The following MACROD2 variants were observed in gnomAD, a reference collection of about 807,000 sequenced individuals.
MACROD2 encodes ADP-ribose glycohydrolase MACROD2.
MACROD2 carries 36 observed loss-of-function variants against 70.4 expected under a neutral mutation model. The ratio of observed to expected loss-of-function variants is 0.51; its 90% CI spans 0.39 to 0.68. The LOEUF is 0.68. Ranked by LOEUF, MACROD2 falls within the 30% of genes least tolerant of loss-of-function variation. MACROD2 has a pLI of 0.00. For synonymous variants in MACROD2, 172 were observed against 178.8 expected, an observed-to-expected ratio of 0.96 and a Z score of 0.30; for missense variants, 496 against 538.4, an observed-to-expected ratio of 0.92 and a Z score of 0.78.
intron 5 of MACROD2, among the ~76,000 whole-genome samples, chr20:14,919,727 C>A (rs923893867): frequency 6.6e-6 from 1 of 152,146 alleles, no homozygotes; most frequent in Non-Finnish European, 1.5e-5. Context: ...TCCAGGAAAT[C>A]AAGTTGAACA....
At chr20:14,609,101 G>A (rs1029188831) in intron 4 of MACROD2, among the ~76,000 whole-genome samples, 2 of 152,016 alleles carry the variant, frequency 1.3e-5, no homozygotes, top group African/African-American at 2.4e-5. Context: ...AGGCTTTGAA[G>A]CACATGAATC....
intron 4 of MACROD2, among the ~76,000 whole-genome samples, chr20:14,605,301 C>G (rs968630901): frequency 6.6e-6 from 1 of 152,122 alleles, no homozygotes; most frequent in Non-Finnish European, 1.5e-5. Context: ...TGCTGGTCCC[C>G]TTGCTCCTGG....
chr20:14,338,475 G>A (rs999758010), intron 3 of MACROD2, among the ~76,000 whole-genome samples: 6 of 152,124 alleles, frequency 3.9e-5, no homozygotes, highest in African/African-American at 1.2e-4. Context: ...TGTTCTTTTG[G>A]AGGCGAAGAA....
Position 14,240,856 on chromosome 20 carries a change from C to T in MACROD2, c.271+155128C>T, listed in dbSNP as rs894942916. The stretch of plus-strand genomic sequence containing the variant: ...ACCTAAAATAAAAGTTTTGGCTGGG[C>T]GTGGCGGCTCTTGCCTGTAATCTCA... On this transcript the variant is annotated intron_variant, in intron 3 of 17. Transcript: ENST00000684519. Among the ~76,000 whole-genome samples the T allele has an allele frequency of 1.1e-4, 17 of 152,258 alleles. No individual in the cohort carries two copies. The East Asian group carries it at 1.5e-3, about 14-fold the overall frequency.
intron 11 of MACROD2, among the ~76,000 whole-genome samples, chr20:15,936,173 A>G (rs1024813092): frequency 6.7e-5 from 10 of 149,956 alleles, no homozygotes; most frequent in African/African-American, 2.2e-4. Context: ...TACTATATAT[A>G]TAGTTTATAT....
intron 5 of MACROD2, among the ~76,000 whole-genome samples, chr20:14,730,112 G>A (rs1454197643): frequency 6.6e-6 from 1 of 152,042 alleles, no homozygotes; most frequent in Non-Finnish European, 1.5e-5. Context: ...TAGAAAATAT[G>A]GGAGCCAGAT....
intron 8 of MACROD2, among the ~76,000 whole-genome samples, chr20:15,521,060 C>T (rs1383655636): frequency 6.6e-6 from 1 of 152,160 alleles, no homozygotes; most frequent in East Asian, 1.9e-4. Context: ...TGTTTCCTGG[C>T]TGTGTGCTTT....
intron 5 of MACROD2, among the ~76,000 whole-genome samples, chr20:14,810,906 G>T (rs2072702305): frequency 6.6e-6 from 1 of 151,990 alleles, no homozygotes; most frequent in African/African-American, 2.4e-5. Flanking sequence ...TCTTCAAGGA[G>T]AACTACAAAC....
At chr20:14,422,118 A>G (rs2083882231) in intron 3 of MACROD2, among the ~76,000 whole-genome samples, 1 of 152,072 alleles carries the variant, frequency 6.6e-6, no homozygotes, top group Admixed American at 6.6e-5. Flanking sequence ...ATTGTTATAT[A>G]TTTTTGATGA....
intron 3 of MACROD2, among the ~76,000 whole-genome samples, chr20:14,487,389 A>G (rs906398871): frequency 3.3e-5 from 5 of 152,200 alleles, no homozygotes; most frequent in African/African-American, 1.2e-4. Flanking sequence ...ACTCTTTAAG[A>G]AACAGAAACT....
At chr20:14,826,738 C>T (rs1017604326) in intron 5 of MACROD2, among the ~76,000 whole-genome samples, 3 of 152,088 alleles carry the variant, frequency 2.0e-5, no homozygotes, top group African/African-American at 7.2e-5. Flanking sequence ...ATTCACTGTA[C>T]CCTCCAGTCG....
At chr20:16,000,321 A>G (rs564424741) in intron 15 of MACROD2, among the ~76,000 whole-genome samples, 15 of 152,272 alleles carry the variant, frequency 9.9e-5, no homozygotes, top group African/African-American at 3.4e-4. Flanking sequence ...TATTCTCACA[A>G]TGCCATGCCC....
At chr20:14,811,996 A>G (rs1038287671) in intron 5 of MACROD2, among the ~76,000 whole-genome samples, 2 of 152,136 alleles carry the variant, frequency 1.3e-5, no homozygotes, top group Non-Finnish European at 2.9e-5. Context: ...AAGTTACTTC[A>G]ACCATTGTGG....
intron 5 of MACROD2, among the ~76,000 whole-genome samples, chr20:15,165,543 T>A (rs958195259): frequency 1.3e-5 from 2 of 152,244 alleles, no homozygotes; most frequent in Non-Finnish European, 1.5e-5. Flanking sequence ...AATTTACCAA[T>A]TGTGACTTAG....
intron 5 of MACROD2, among the ~76,000 whole-genome samples, chr20:15,129,041 T>G (rs2076086527): frequency 6.6e-6 from 1 of 152,038 alleles, no homozygotes; most frequent in South Asian, 2.1e-4. Flanking sequence ...TGAAACAGTT[T>G]TTCTCTCCTA....
rs1183092643 is a variant in MACROD2, at chr20:16,052,714, T to C, written c.*2838T>C. The C allele has an allele frequency of 6.6e-6, 1 of 152,658 alleles. No individual in the cohort carries two copies. The highest frequency in any genetic ancestry group is 2.4e-5 in the African/African-American group (1 of 41,472). The allele number at this position is 152,658 out of a possible 1,614,324, so 9.5% of individuals were successfully genotyped here. A position where few individuals can be genotyped will look rare whatever the true frequency, so the allele number is the denominator to read the frequency against. On this transcript the variant is annotated 3_prime_UTR_variant, in exon 18 of 18. Transcript: ENST00000684519. ...TCTTTCTATGAAACACTGAAAAGCC[T>C]CTTTGTGAATTAATACAGTTCTGCT...
intron 8 of MACROD2, among the ~76,000 whole-genome samples, chr20:15,832,976 T>C (rs1568586480): frequency 6.6e-6 from 1 of 152,226 alleles, no homozygotes; most frequent in South Asian, 2.1e-4. Flanking sequence ...TAACCAAATA[T>C]GATAAATAAC....
intron 4 of MACROD2, among the ~76,000 whole-genome samples, chr20:14,519,726 A>G (rs1294416617): frequency 6.6e-6 from 1 of 152,216 alleles, no homozygotes; most frequent in Non-Finnish European, 1.5e-5. Flanking sequence ...TATATACCCA[A>G]AGGAATATAA....
In MACROD2 at chr20:14,320,805, A is replaced by G. The variant is rs182667842; in HGVS notation, c.272-172674A>G. On this transcript the variant is annotated intron_variant, in intron 3 of 17. Transcript: ENST00000684519. ...AAACCTCCCTCAGGTGATTCTGACC[A>G]AGGCCAGGGTTGAGAAACATTGCCC... 5.3e-5 allele frequency among the ~76,000 whole-genome samples: 8 copies of G among 152,046 alleles called. No individual in the cohort carries two copies. The East Asian group carries it at 1.4e-3, about 26-fold the overall frequency.
Sources: allele counts gnomAD v4.1 joint callset (sites outside exome capture counted in the v4.1 genomes callset), GRCh38; gene constraint gnomAD v4.1.1; transcripts MANE v1.5; gene names NCBI Gene and HGNC (gene_info 2026-07-23, HGNC 2026-07-21).